MDGA2: variants seen among roughly 807,000 people sequenced by gnomAD.
The protein encoded by MDGA2 is MAM domain containing glycosylphosphatidylinositol anchor 2.
MDGA2 carries 40 observed loss-of-function variants against 117.8 expected under a neutral mutation model. The ratio of observed to expected loss-of-function variants is 0.34; its 90% CI spans 0.26 to 0.44. MDGA2 has a LOEUF of 0.44. MDGA2 is among the 20% of genes least tolerant of loss of function. The pLI, the probability that MDGA2 is intolerant of heterozygous loss-of-function variation, is 1.00. For missense variants in MDGA2, 1,123 were observed against 1,250.6 expected, an observed-to-expected ratio of 0.90 and a Z score of 1.54; for synonymous variants, 452 against 439.0, an observed-to-expected ratio of 1.03 and a Z score of -0.37.
intron 2 of MDGA2, among the ~76,000 whole-genome samples, chr14:47,249,400 C>A (rs1440656733): frequency 6.6e-6 from 1 of 152,142 alleles, no homozygotes; most frequent in Non-Finnish European, 1.5e-5. Flanking sequence ...CAACTCACTG[C>A]AGCCTCCACC....
chr14:47,156,029 C>T (rs1189006906), intron 3 of MDGA2, among the ~76,000 whole-genome samples: 6 of 149,546 alleles, frequency 4.0e-5, no homozygotes, highest in Admixed American at 6.7e-5. Flanking sequence ...ATGCCTCAGC[C>T]GCTGGCGTAG....
intron 1 of MDGA2, among the ~76,000 whole-genome samples, chr14:47,377,738 C>T (rs1891512639): frequency 6.6e-6 from 1 of 152,156 alleles, no homozygotes; most frequent in Non-Finnish European, 1.5e-5. Flanking sequence ...GTGGAGCCCA[C>T]AGCAGCTCAA....
chr14:47,157,502 G>A (rs1883437223), intron 3 of MDGA2, among the ~76,000 whole-genome samples: 1 of 151,788 alleles, frequency 6.6e-6, no homozygotes, highest in Non-Finnish European at 1.5e-5. Flanking sequence ...ACTGTCCCAG[G>A]ATTTTTCTTT....
intron 3 of MDGA2, among the ~76,000 whole-genome samples, chr14:47,148,761 A>G (rs1373828833): frequency 6.6e-6 from 1 of 152,206 alleles, no homozygotes. Flanking sequence ...TTTTCAGTCA[A>G]CGAGCTCAAA....
intron 1 of MDGA2, among the ~76,000 whole-genome samples, chr14:47,598,894 G>C (rs1427771553): frequency 6.6e-6 from 1 of 152,120 alleles, no homozygotes; most frequent in Admixed American, 6.6e-5. Flanking sequence ...AAGGTTCAAA[G>C]ACTTTCTCCA....
chr14:47,216,982 C>G (rs940676278), intron 3 of MDGA2, among the ~76,000 whole-genome samples: 3 of 152,016 alleles, frequency 2.0e-5, no homozygotes, highest in African/African-American at 7.2e-5. Flanking sequence ...CTCCCCCATC[C>G]TTTCCAGAAG....
intron 1 of MDGA2, among the ~76,000 whole-genome samples, chr14:47,672,184 AT>A (rs1258363858): frequency 6.6e-6 from 1 of 152,198 alleles, no homozygotes; most frequent in East Asian, 1.9e-4. Flanking sequence ...GTAATACATA[AT>A]TTTTAACCCA....
At chr14:46,881,009 A>AACAC (rs72117373) in intron 11 of MDGA2, among the ~76,000 whole-genome samples, 17,166 of 145,570 alleles carry the variant, frequency 0.12, 1,130 homozygotes, top group Middle Eastern at 0.18. Context: ...AACTATCACT[A>AACAC]ACACACACAC....
At chr14:47,508,404 C>T (rs978897395) in intron 1 of MDGA2, among the ~76,000 whole-genome samples, 6 of 132,540 alleles carry the variant, frequency 4.5e-5, no homozygotes, top group African/African-American at 1.4e-4. Context: ...TATTTGCTAC[C>T]AGTAGTTTTT....
intron 2 of MDGA2, among the ~76,000 whole-genome samples, chr14:47,261,553 A>G (rs1299566365): frequency 6.6e-6 from 1 of 152,180 alleles, no homozygotes; most frequent in African/African-American, 2.4e-5. Context: ...TTACACAAGT[A>G]TGAAGACTAG....
At chr14:47,565,937 G>A (rs946028514) in intron 1 of MDGA2, among the ~76,000 whole-genome samples, 3 of 152,218 alleles carry the variant, frequency 2.0e-5, no homozygotes, top group Admixed American at 1.3e-4. Context: ...AGTTTGGAGT[G>A]GGGGTGGTGT....
At chr14:46,993,975 G>A (rs975026160) in intron 8 of MDGA2, among the ~76,000 whole-genome samples, 1 of 152,142 alleles carries the variant, frequency 6.6e-6, no homozygotes, top group Non-Finnish European at 1.5e-5. Context: ...TTGTAGCACA[G>A]ACATGCCAGA....
chr14:46,997,948 CTT>C (rs1263037429), intron 8 of MDGA2, among the ~76,000 whole-genome samples: 6 of 152,106 alleles, frequency 3.9e-5, no homozygotes, highest in African/African-American at 1.4e-4. Context: ...TCTGTAGACA[CTT>C]TAAGTTTAAA....
intron 1 of MDGA2, among the ~76,000 whole-genome samples, chr14:47,510,305 A>G (rs1181234113): frequency 1.3e-5 from 2 of 152,232 alleles, no homozygotes; most frequent in Non-Finnish European, 2.9e-5. Context: ...GAACTGTGAG[A>G]AATAAATTCC....
intron 14 of MDGA2, among the ~76,000 whole-genome samples, chr14:46,857,681 G>T (rs947125172): frequency 6.6e-6 from 1 of 151,946 alleles, no homozygotes; most frequent in Admixed American, 6.6e-5. Context: ...AAGAGATGGG[G>T]TCTTGCTCTG....
In MDGA2 at chr14:47,370,468, G is replaced by GTCTTTTTTTTTTTTTTTT. The variant is rs1891322901; in HGVS notation, c.281-68919_281-68918insAAAAAAAAAAAAAAAAGA. 2.4e-4 allele frequency among the ~76,000 whole-genome samples: 5 copies of GTCTTTTTTTTTTTTTTTT among 20,684 alleles called. 2 individuals carry two copies. The East Asian group carries it at 7.5e-3, about 31-fold the overall frequency. 13.6% of individuals were successfully genotyped at this position (20,684 alleles called of 152,430 possible). ...TTACTATTTTCTAGGTCTACTTACT[G>GTCTTTTTTTTTTTTTTTT]TTTTTTTTTTTTTTTTTTTTTTTTT... is the stretch of plus-strand genomic sequence containing the variant. On this transcript the variant is annotated intron_variant, in intron 1 of 16. Coordinates refer to ENST00000399232, the MANE Select transcript of MDGA2 (RefSeq NM_001113498.3).
chr14:46,923,192 C>G (rs1022013201), intron 9 of MDGA2, among the ~76,000 whole-genome samples: 1 of 152,150 alleles, frequency 6.6e-6, no homozygotes, highest in Non-Finnish European at 1.5e-5. Context: ...GCAAATATAT[C>G]AAATTTCACT....
intron 3 of MDGA2, among the ~76,000 whole-genome samples, chr14:47,166,890 T>C (rs1052842151): frequency 1.3e-5 from 2 of 152,144 alleles, no homozygotes; most frequent in African/African-American, 4.8e-5. Context: ...ATTTTAAAAC[T>C]GATAAACAGG....
chr14:47,674,322 G>A (rs1037262967), intron 1 of MDGA2, among the ~76,000 whole-genome samples, 195 bp downstream of exon 1: 2 of 152,226 alleles, frequency 1.3e-5, no homozygotes, highest in African/African-American at 4.8e-5. Context: ...CCAGAGCCCA[G>A]GCGCCGGGGA....
Sources: gnomAD v4.1 joint callset for allele counts (sites outside exome capture counted in the v4.1 genomes callset) on GRCh38, gnomAD v4.1.1 for gene constraint, MANE v1.5 for transcripts, NCBI Gene and HGNC (gene_info 2026-07-23, HGNC 2026-07-21) for gene names.